PIP5K1C: variants seen among roughly 807,000 people sequenced by gnomAD.
The protein encoded by PIP5K1C is phosphatidylinositol 4-phosphate 5-kinase type-1 gamma.
PIP5K1C carries 45 observed loss-of-function variants against 80.1 expected under a neutral mutation model. The observed-to-expected ratio is 0.56, with a 90% CI of 0.44 to 0.72. The LOEUF is 0.72. Among genes scored for constraint, PIP5K1C ranks in the 30% least tolerant of loss-of-function variants. PIP5K1C has a pLI of 0.00. For synonymous variants in PIP5K1C, 498 were observed against 420.1 expected (o/e 1.19, Z -2.27); for missense variants, 753 against 954.6 (o/e 0.79, Z 2.78).
At chr19:3,671,794 A>T (rs2035213646) in intron 1 of PIP5K1C, among the ~76,000 whole-genome samples, 1 of 152,192 alleles carries the variant, frequency 6.6e-6, no homozygotes, top group South Asian at 2.1e-4. Context: ...CTCGCTCCCC[A>T]TGAGGCCCGC....
chr19:3,641,455 G>A (rs557574530), intron 15 of PIP5K1C, among the ~76,000 whole-genome samples: 39 of 152,210 alleles, frequency 2.6e-4, no homozygotes, highest in Admixed American at 1.0e-3. Flanking sequence ...CTCCATGCCA[G>A]GAGCACCCCC....
At chr19:3,657,514 G>A (rs2145468173) in intron 5 of PIP5K1C, among the ~76,000 whole-genome samples, 1 of 152,312 alleles carries the variant, frequency 6.6e-6, no homozygotes, top group Non-Finnish European at 1.5e-5. Context: ...GGTCAACGCT[G>A]GGTCCGTATC....
intron 5 of PIP5K1C, among the ~76,000 whole-genome samples, chr19:3,659,131 C>T (rs1469922606): frequency 6.6e-6 from 1 of 152,220 alleles, no homozygotes; most frequent in Non-Finnish European, 1.5e-5. Context: ...CACCGGCAAC[C>T]TCGAGTCCCC....
At chr19:3,680,407 C>G (rs903879892) in intron 1 of PIP5K1C, among the ~76,000 whole-genome samples, 1 of 152,200 alleles carries the variant, frequency 6.6e-6, no homozygotes, top group South Asian at 2.1e-4. Flanking sequence ...CAGGTTCATA[C>G]GATTCTCCCG....
intron 14 of PIP5K1C, among the ~76,000 whole-genome samples, chr19:3,642,610 A>G (rs1449861651): frequency 6.6e-6 from 1 of 152,188 alleles, no homozygotes; most frequent in Non-Finnish European, 1.5e-5. Context: ...GGCCGTGGGC[A>G]GGAGGGGGCG....
chr19:3,654,397 A>G lies in PIP5K1C; in HGVS notation c.622-808T>C, dbSNP rs916493015. Among the ~76,000 whole-genome samples, 20 of 152,336 alleles carry G rather than the reference A, an allele frequency of 1.3e-4. 1 individual carries two copies. The South Asian group carries it at 4.1e-3, about 32-fold the overall frequency. ...GGGGCTGAGACAGACCCACAGGGAG[A>G]GGAGTGAGGGGCGCGGACTCAGGCA... is the stretch of plus-strand genomic sequence containing the variant. On this transcript the variant is annotated intron_variant, in intron 6 of 17. Transcript: ENST00000335312.
At chr19:3,695,314 GC>G (rs1401735506) in intron 1 of PIP5K1C, among the ~76,000 whole-genome samples, 1 of 152,148 alleles carries the variant, frequency 6.6e-6, no homozygotes, top group Non-Finnish European at 1.5e-5. Flanking sequence ...TGGCACCTGG[GC>G]CCCGGAAGCA....
intron 3 of PIP5K1C, among the ~76,000 whole-genome samples, chr19:3,662,277 G>C (rs1600008966): frequency 1.3e-5 from 2 of 152,362 alleles, no homozygotes; most frequent in African/African-American, 4.8e-5. Flanking sequence ...AGTCCTGTTG[G>C]CTAGCTAGGT....
chr19:3,686,959 G>A (rs746038824), intron 1 of PIP5K1C, among the ~76,000 whole-genome samples: 1 of 152,040 alleles, frequency 6.6e-6, no homozygotes, highest in Non-Finnish European at 1.5e-5. Flanking sequence ...TTGGGAGGCC[G>A]AGGCAGGTGG....
At chr19:3,673,974 G>A (rs2035285935) in intron 1 of PIP5K1C, 1 of 152,286 alleles carries the variant, frequency 6.6e-6, no homozygotes, top group African/African-American at 2.4e-5. Context: ...TGCGACGCTT[G>A]GCAGTAGTGT....
intron 1 of PIP5K1C, among the ~76,000 whole-genome samples, chr19:3,678,122 T>C (rs1422722605): frequency 2.5e-5 from 2 of 78,790 alleles, no homozygotes; most frequent in African/African-American, 5.3e-5. Flanking sequence ...GATGGAGAGA[T>C]GGAGGGATGG....
chr19:3,647,495 G>A, intron 9 of PIP5K1C, 109 bp from the exon 10 acceptor site: 4 of 943,870 alleles, frequency 4.2e-6, no homozygotes, highest in Non-Finnish European at 6.6e-6. Flanking sequence ...ATGGCCTCAA[G>A]CAGTCGTGGC....
intron 1 of PIP5K1C, 116 bp from the exon 2 acceptor site, chr19:3,667,469 G>T: frequency 9.0e-7 from 1 of 1,117,152 alleles, no homozygotes; most frequent in Non-Finnish European, 1.4e-6. Context: ...ACTCCGCGTG[G>T]GGCTGGTCTC....
chr19:3,635,961 C>T, intron 16 of PIP5K1C, among the ~76,000 whole-genome samples: 1 of 152,094 alleles, frequency 6.6e-6, no homozygotes, highest in East Asian at 1.9e-4. Context: ...GCCTGGGCGA[C>T]AGAACGAGAC....
rs28490078 is a variant in PIP5K1C, at chr19:3,632,973, C to G, written c.*194G>C. 0.14 allele frequency: 71,393 copies of G among 523,978 alleles called. 10,742 individuals are homozygous for G. Among genetic ancestry groups the G allele is most frequent in the African/African-American group, 0.56 (27,894 of 49,628 alleles). The allele number at this position is 523,978 out of a possible 1,614,324, so 32.5% of individuals were successfully genotyped here. ...GGTCTCACAGGGGCAGGCTGCCGAC[C>G]GGGGTGCCGGGGCCCTGGGAGGCTT... is the stretch of plus-strand genomic sequence containing the variant. On this transcript the variant is annotated 3_prime_UTR_variant, in exon 18 of 18. Coordinates refer to ENST00000335312, the MANE Select transcript of PIP5K1C (RefSeq NM_012398.3).
chr19:3,679,804 G>A (rs185454135), intron 1 of PIP5K1C, among the ~76,000 whole-genome samples: 1,726 of 152,332 alleles, frequency 0.011, 60 homozygotes, highest in Admixed American at 0.073. Flanking sequence ...CCCAAGGGGC[G>A]CCCTGGATGT....
chr19:3,650,674 C>T (rs1250839933), intron 8 of PIP5K1C, among the ~76,000 whole-genome samples: 1 of 152,240 alleles, frequency 6.6e-6, no homozygotes, highest in Non-Finnish European at 1.5e-5. Flanking sequence ...GGTCCCTCTG[C>T]CCCTGGTGTC....
At chr19:3,633,413 C>A (rs763131114) in intron 17 of PIP5K1C, 24 bp downstream of exon 17, 9 of 1,425,702 alleles carry the variant, frequency 6.3e-6, no homozygotes, top group Non-Finnish European at 8.3e-6. Flanking sequence ...ACGGGACCGG[C>A]GGGTGCACCT....
intron 15 of PIP5K1C, 86 bp downstream of exon 15, chr19:3,641,619 C>T (rs1400293598): frequency 2.1e-6 from 2 of 942,478 alleles, no homozygotes; most frequent in Non-Finnish European, 3.4e-6. Context: ...GAAAGAACTG[C>T]TTCATGATGA....
Sources: allele counts gnomAD v4.1 joint callset (sites outside exome capture counted in the v4.1 genomes callset), GRCh38; gene constraint gnomAD v4.1.1; transcripts MANE v1.5; gene names NCBI Gene and HGNC (gene_info 2026-07-23, HGNC 2026-07-21).